Variants in HIVEP2 observed in about 807,000 individuals in gnomAD.
The protein encoded by HIVEP2 is transcription factor HIVEP2.
Under a neutral mutation model 180.7 loss-of-function variants are expected in HIVEP2, and 14 were observed. The observed-to-expected ratio is 0.08, with a 90% CI of 0.05 to 0.12. The LOEUF is 0.12. Ranked by LOEUF, HIVEP2 falls within the 10% of genes least tolerant of loss-of-function variation. HIVEP2 has a pLI of 1.00. For missense variants in HIVEP2, 2,579 were observed against 3,008.5 expected (o/e 0.86, Z 3.34); for synonymous variants, 1,184 against 1,136.4 (o/e 1.04, Z -0.84).
chr6:142,821,472 C>A (rs1028184212), intron 2 of HIVEP2, among the ~76,000 whole-genome samples: 1 of 152,184 alleles, frequency 6.6e-6, no homozygotes. Flanking sequence ...GCCAGACATA[C>A]AAATATTCAG....
intron 2 of HIVEP2, among the ~76,000 whole-genome samples, chr6:142,803,566 T>TACACACACACACACAC (rs10688831): frequency 0.083 from 11,740 of 141,514 alleles, 569 homozygotes; most frequent in Non-Finnish European, 0.09. Context: ...ATATATAGCA[T>TACACACACACACACAC]ACACACACAC....
intron 1 of HIVEP2, among the ~76,000 whole-genome samples, chr6:142,917,663 G>A (rs1017319699): frequency 6.6e-6 from 1 of 152,172 alleles, no homozygotes; most frequent in South Asian, 2.1e-4. Flanking sequence ...AGTAAAGACA[G>A]CAAAGCTAAT....
intron 2 of HIVEP2, among the ~76,000 whole-genome samples, chr6:142,810,135 T>A (rs1007271076): frequency 4.6e-5 from 7 of 152,288 alleles, no homozygotes; most frequent in African/African-American, 1.7e-4. Flanking sequence ...CCCTGCAGAA[T>A]GTTGTCAGGG....
At chr6:142,892,722 A>G (rs1776890357) in intron 1 of HIVEP2, among the ~76,000 whole-genome samples, 1 of 152,236 alleles carries the variant, frequency 6.6e-6, no homozygotes, top group Non-Finnish European at 1.5e-5. Flanking sequence ...AATACTGAAT[A>G]ACACACAATT....
intron 1 of HIVEP2, among the ~76,000 whole-genome samples, chr6:142,904,601 T>A (rs1377698123): frequency 6.6e-6 from 1 of 152,140 alleles, no homozygotes; most frequent in Non-Finnish European, 1.5e-5. Flanking sequence ...AATATGGATA[T>A]TAGTCCATAC....
intron 1 of HIVEP2, among the ~76,000 whole-genome samples, chr6:142,930,965 A>G (rs951418898): frequency 2.6e-5 from 4 of 152,192 alleles, no homozygotes; most frequent in Non-Finnish European, 5.9e-5. Context: ...ATTAAAAGAA[A>G]AGTTCCAAAA....
chr6:142,840,766 T>C (rs1321601344), intron 1 of HIVEP2, among the ~76,000 whole-genome samples: 1 of 152,140 alleles, frequency 6.6e-6, no homozygotes, highest in Non-Finnish European at 1.5e-5. Flanking sequence ...AAAAATAGGA[T>C]TATCAAATTG....
At chr6:142,902,605 A>T (rs534651496) in intron 1 of HIVEP2, among the ~76,000 whole-genome samples, 2 of 152,270 alleles carry the variant, frequency 1.3e-5, no homozygotes, top group South Asian at 2.1e-4. Context: ...CTTTCAGAAC[A>T]CCTCAGTATG....
chr6:142,796,073 T>A (rs1482144509), intron 2 of HIVEP2, among the ~76,000 whole-genome samples: 1 of 56,638 alleles, frequency 1.8e-5, no homozygotes. Context: ...AAGTAGTAGA[T>A]ATATTGCTGT....
At chr6:142,796,406 A>G (rs1036053370) in intron 2 of HIVEP2, among the ~76,000 whole-genome samples, 12 of 152,182 alleles carry the variant, frequency 7.9e-5, no homozygotes, top group Non-Finnish European at 1.6e-4. Context: ...TAAGCAGTGG[A>G]TGAACACATA....
intron 1 of HIVEP2, among the ~76,000 whole-genome samples, chr6:142,900,504 G>T (rs572976023): frequency 6.6e-6 from 1 of 152,132 alleles, no homozygotes; most frequent in Non-Finnish European, 1.5e-5. Context: ...TCTTGCCAGC[G>T]CCTACTCTAC....
In HIVEP2 at chr6:142,770,719, C is replaced by T. The variant is rs186721048; in HGVS notation, c.4020G>A (p.Thr1340=). The change falls in exon 5 of 10, where the codon ACG becomes ACA. Residue 1340 remains threonine, a synonymous_variant. Transcript: ENST00000367603. The surrounding 1 kb of genome is among the most constrained non-coding windows in gnomAD (Gnocchi z 4.7). ...TGACACTTCCATAGGATGGTACGTGCGTCTGGATCCGAACAGGAACCACTG... is the reference window on the plus strand; with the variant it reads ...TGACACTTCCATAGGATGGTACGTGTGTCTGGATCCGAACAGGAACCACTG... ...PGTVVPVRIQ[T]HVPSYGSVMY... The T allele has an allele frequency of 7.1e-4, 1,140 of 1,614,126 alleles. 16 individuals carry two copies. In the South Asian group the frequency reaches 9.2e-3, roughly 13 times the overall value.
chr6:142,818,729 AAAG>A (rs1776925776), intron 2 of HIVEP2, among the ~76,000 whole-genome samples: 1 of 99,756 alleles, frequency 1.0e-5, no homozygotes, highest in Admixed American at 1.1e-4. Context: ...GAAAAGAAAG[AAAG>A]AAAAGAAAGA....
chr6:142,760,306 C>T lies in HIVEP2; in HGVS notation c.5982G>A (p.Gln1994=). The part of the protein sequence containing the change: ...MTPSDSCEDT[Q]MTEYQRLFQS... ...GGAATAGCCTCTGGTATTCTGTCATCTGGGTATCTTCACATGAATCACTGG... is the reference window on the plus strand; with the variant it reads ...GGAATAGCCTCTGGTATTCTGTCATTTGGGTATCTTCACATGAATCACTGG... The change falls in exon 9 of 10, where the codon CAG becomes CAA. Residue 1994 remains glutamine, a synonymous_variant. Coordinates refer to ENST00000367603, the MANE Select transcript of HIVEP2 (RefSeq NM_006734.4). 6.2e-7 allele frequency: 1 copy of T among 1,614,172 alleles called. No individual in the cohort carries two copies.
intron 1 of HIVEP2, among the ~76,000 whole-genome samples, chr6:142,876,677 G>A (rs1014361185): frequency 6.6e-6 from 1 of 152,186 alleles, no homozygotes; most frequent in Non-Finnish European, 1.5e-5. Flanking sequence ...AAAGGGCTAA[G>A]TACTTTTGAA....
chr6:142,753,452 G>A lies in HIVEP2; in HGVS notation c.6996C>T (p.Ala2332=). 6.2e-7 allele frequency: 1 copy of A among 1,613,962 alleles called. No individual in the cohort carries two copies. The highest frequency in any genetic ancestry group is 8.5e-7 in the Non-Finnish European group (1 of 1,180,034). Residue 2332 remains alanine (A), a synonymous_variant, in exon 10 of 10, where the codon GCC becomes GCT. Coordinates refer to ENST00000367603, the MANE Select transcript of HIVEP2 (RefSeq NM_006734.4). ...CCGTGGCAATCCGGAGAGAGGCAAT[G>A]GCTTTTGTACAAGTCTGTATATTTT... ...QEENIQTCTK[A]IASLRIATEE... is the part of the protein sequence containing the mutation.
At chr6:142,884,626 G>A (rs1776652418) in intron 1 of HIVEP2, among the ~76,000 whole-genome samples, 1 of 152,080 alleles carries the variant, frequency 6.6e-6, no homozygotes, top group Admixed American at 6.6e-5. Flanking sequence ...TGCAAACAAA[G>A]TAGCATAGGG....
At chr6:142,754,169 A>G (rs1028389489) in intron 9 of HIVEP2, among the ~76,000 whole-genome samples, 1 of 152,200 alleles carries the variant, frequency 6.6e-6, no homozygotes, top group African/African-American at 2.4e-5. Flanking sequence ...TTAAACAGCA[A>G]GGTGATAAAG....
intron 6 of HIVEP2, 94 bp downstream of exon 6, chr6:142,768,288 A>G: frequency 8.5e-7 from 1 of 1,182,932 alleles, no homozygotes; most frequent in South Asian, 1.6e-5. Context: ...TCAGCTTTCA[A>G]CCAGATTAGA....
Sources: allele counts gnomAD v4.1 joint callset (sites outside exome capture counted in the v4.1 genomes callset), GRCh38; gene constraint gnomAD v4.1.1; non-coding constraint Gnocchi (gnomAD v3.1); transcripts MANE v1.5; gene names NCBI Gene and HGNC (gene_info 2026-07-23, HGNC 2026-07-21).